The following IFI44 variants were observed in gnomAD, a reference collection of about 807,000 sequenced individuals.
IFI44 encodes the protein interferon-induced protein 44.
Under a neutral mutation model 45.0 loss-of-function variants are expected in IFI44, and 42 were observed. That is an observed-to-expected ratio of 0.93 (90% CI 0.73 to 1.21). The LOEUF (loss-of-function observed/expected upper bound fraction) is 1.21. Among genes scored for constraint, IFI44 ranks in the 50% most tolerant of loss-of-function variants. IFI44 has a pLI of 0.00. For missense variants in IFI44, 623 were observed against 525.8 expected (o/e 1.18, Z -1.81); for synonymous variants, 221 against 188.6 (o/e 1.17, Z -1.41).
intron 2 of IFI44, 31 bp downstream of exon 2, chr1:78,650,683 T>TATAA (rs751093737): frequency 7.2e-7 from 1 of 1,392,946 alleles, no homozygotes. Context: ...CTGTAGAGAG[T>TATAA]TCTCCCTTGC....
intron 7 of IFI44, 59 bp downstream of exon 7, chr1:78,660,713 C>G (rs764692431): frequency 5.6e-6 from 6 of 1,071,834 alleles, no homozygotes; most frequent in Non-Finnish European, 8.7e-6. Flanking sequence ...CAATCACATA[C>G]TAGTGTGTAT....
Position 78,650,424 on chromosome 1 carries a change from A to G in IFI44, c.229A>G (p.Ile77Val), listed in dbSNP as rs1032934571. Residue 77 changes from isoleucine to valine, a missense_variant, in exon 2 of 9, where the codon ATC (isoleucine) becomes GTC (valine). Ile to Val is a conservative substitution (Grantham distance 29). Coordinates refer to ENST00000370747, the MANE Select transcript of IFI44 (RefSeq NM_006417.5). ...TTACCAGGAAGGAAAGTATGCTTCC[A>G]TCATCCTTTTTGCACTTCAAGATAC... ...ESYQEGKYAS[I>V]ILFALQDTKI... 12 of 1,613,554 alleles carry G rather than the reference A, an allele frequency of 7.4e-6. No individual in the cohort carries two copies. The highest frequency in any genetic ancestry group is 1.3e-5 in the African/African-American group (1 of 75,030).
chr1:78,655,377 A>T lies in IFI44; in HGVS notation c.706A>T (p.Ile236Phe). The change falls in exon 5 of 9, where the codon ATT becomes TTT. Residue 236 changes from isoleucine to phenylalanine, a missense_variant. Ile to Phe is a conservative substitution (Grantham distance 21, BLOSUM62 0). Coordinates refer to ENST00000370747, the MANE Select transcript of IFI44 (RefSeq NM_006417.5). ...CCCTCTACAGTATAGGACATACTCTATTAGAGACGGGAAAGATGGCAAATA... is the reference window on the plus strand; with the variant it reads ...CCCTCTACAGTATAGGACATACTCTTTTAGAGACGGGAAAGATGGCAAATA... ...GISEKYRTYS[I>F]RDGKDGKYLP... 1 of 1,612,714 alleles carries T rather than the reference A, an allele frequency of 6.2e-7. No individual in the cohort carries two copies. The highest frequency in any genetic ancestry group is 8.5e-7 in the Non-Finnish European group (1 of 1,179,456).
upstream of IFI44, chr1:78,649,826 T>C (rs2100423536): frequency 6.3e-6 from 1 of 157,498 alleles, no homozygotes; most frequent in South Asian, 2.0e-4. Context: ...ATAATTTCCT[T>C]CTCCCATTTT....
At chr1:78,654,117 C>A in intron 2 of IFI44, 126 bp from the exon 3 acceptor site, 3 of 681,330 alleles carry the variant, frequency 4.4e-6, no homozygotes, top group Non-Finnish European at 8.0e-6. Flanking sequence ...TTTCACCATA[C>A]GGGACCATTC....
chr1:78,655,468 A>G lies in IFI44; in HGVS notation c.797A>G (p.Asp266Gly), dbSNP rs1232542220. Residue 266 changes from aspartate (D) to glycine (G), a missense_variant, in exon 5 of 9, where the codon GAC (aspartate) becomes GGC (glycine). Coordinates refer to ENST00000370747, the MANE Select transcript of IFI44 (RefSeq NM_006417.5). ...AAAGAAGGCGGCCTGTGCAGGGATG[A>G]CATATTCTATATCTTGAACGGTAAC... is the stretch of plus-strand genomic sequence containing the variant. ...SEKEGGLCRDDIFYILNGNIR... is the reference protein window; with the variant it reads ...SEKEGGLCRDGIFYILNGNIR... 2 of 1,613,810 alleles carry G rather than the reference A, an allele frequency of 1.2e-6. No homozygotes were observed. The highest frequency in any genetic ancestry group is 1.7e-6 in the Non-Finnish European group (2 of 1,179,776).
At chr1:78,661,964 A>G (rs1224298835) in intron 7 of IFI44, among the ~76,000 whole-genome samples, 1 of 152,212 alleles carries the variant, frequency 6.6e-6, no homozygotes, top group African/African-American at 2.4e-5. Flanking sequence ...GAACATTTGC[A>G]TGAAGTAATT....
Position 78,655,379 on chromosome 1 carries a change from T to C in IFI44, c.708T>C (p.Ile236=), listed in dbSNP as rs768136010. ...CTCTACAGTATAGGACATACTCTAT[T>C]AGAGACGGGAAAGATGGCAAATACC... ...GISEKYRTYS[I]RDGKDGKYLP... The change falls in exon 5 of 9, where the codon ATT becomes ATC. Residue 236 remains isoleucine, a synonymous_variant. Coordinates refer to ENST00000370747, the MANE Select transcript of IFI44 (RefSeq NM_006417.5). The C allele has an allele frequency of 6.2e-7, 1 of 1,612,798 alleles. No individual in the cohort carries two copies. Among genetic ancestry groups the C allele is most frequent in the South Asian group, 1.1e-5 (1 of 90,728 alleles).
At position 78,662,707 on chromosome 1, in the gene IFI44, G is replaced by A. The variant is rs115351261; in HGVS notation, c.1117G>A (p.Glu373Lys). The change falls in exon 8 of 9, where the codon GAG becomes AAG. Residue 373 changes from glutamate to lysine, a missense_variant. Glu to Lys is a moderately conservative substitution (Grantham distance 56, BLOSUM62 1). Coordinates refer to ENST00000370747, the MANE Select transcript of IFI44 (RefSeq NM_006417.5). ...ERCEPVRSKL[E>K]EVQRKLGFAL... ...CTTTTTAATTTCTGTATTGCAGCTA[G>A]AGGAAGTCCAAAGAAAACTTGGATT... 1 of 1,611,240 alleles carries A rather than the reference G, an allele frequency of 6.2e-7. No homozygotes were observed. The highest frequency in any genetic ancestry group is 1.1e-5 in the South Asian group (1 of 91,022).
In IFI44 at chr1:78,649,951, C is replaced by G. The variant is rs116036609; in HGVS notation, c.-11+46C>G. On this transcript the variant is annotated intron_variant, in intron 1 of 8. Transcript: ENST00000370747. ...CATTTTTCCTAGCTAGCATTAGTCT[C>G]TCTCTGTCTCTCTCAGGTGACAGTG... 1.9e-3 allele frequency: 699 copies of G among 359,612 alleles called. 7 individuals carry two copies. Among genetic ancestry groups the G allele is most frequent in the African/African-American group, 0.013 (642 of 47,798 alleles). 22.3% of individuals were successfully genotyped at this position (359,612 alleles called of 1,614,324 possible). A position where few individuals can be genotyped will look rare whatever the true frequency, so the allele number is the denominator to read the frequency against.
chr1:78,655,397 C>A lies in IFI44; in HGVS notation c.726C>A (p.Gly242=), dbSNP rs140087977. The A allele has an allele frequency of 6.2e-7, 1 of 1,613,516 alleles. No individual in the cohort carries two copies. Among genetic ancestry groups the A allele is most frequent in the South Asian group, 1.1e-5 (1 of 91,022 alleles). Residue 242 remains glycine, a synonymous_variant, in exon 5 of 9, where the codon GGC becomes GGA. Coordinates refer to ENST00000370747, the MANE Select transcript of IFI44 (RefSeq NM_006417.5). ...RTYSIRDGKD[G]KYLPFILCDS... ...ACTCTATTAGAGACGGGAAAGATGG[C>A]AAATACCTGCCGTTTATTCTGTGTG...
At chr1:78,660,810 TAC>T (rs1171658225) in intron 7 of IFI44, 156 bp downstream of exon 7, 2 of 663,518 alleles carry the variant, frequency 3.0e-6, no homozygotes, top group East Asian at 2.9e-5. Context: ...AAAAATTAAA[TAC>T]AGTTGTTCCT....
Position 78,662,791 on chromosome 1 carries a change from G to C in IFI44, c.1201G>C (p.Val401Leu). The C allele has an allele frequency of 6.2e-7, 1 of 1,613,834 alleles. No individual in the cohort carries two copies. The highest frequency in any genetic ancestry group is 8.5e-7 in the Non-Finnish European group (1 of 1,179,874). ...TTCCTCTGAGTGGGAGCTGGACCCT[G>C]TAAAGGATGTTCTAATTCTTTCTGC... is the stretch of plus-strand genomic sequence containing the variant. ...NYSSEWELDP[V>L]KDVLILSALR... Residue 401 changes from valine (V) to leucine (L), a missense_variant, in exon 8 of 9, where the codon GTA becomes CTA. Coordinates refer to ENST00000370747, the MANE Select transcript of IFI44 (RefSeq NM_006417.5).
rs770168478 is a variant in IFI44 at position 78,663,842 on chromosome 1, C to T, written c.*31C>T. 32 of 1,600,976 alleles carry T rather than the reference C, an allele frequency of 2.0e-5. No homozygotes were observed. In the East Asian group the frequency reaches 6.7e-4, roughly 34 times the overall value. ...TGAAAGGTTCACGTAAATTTCCTCA[C>T]ATCACAGAAGATTAAAATTCAGAAA... On this transcript the variant is annotated 3_prime_UTR_variant, in exon 9 of 9. Coordinates refer to ENST00000370747, the MANE Select transcript of IFI44 (RefSeq NM_006417.5).
chr1:78,652,381 G>T (rs1223941586), intron 2 of IFI44, among the ~76,000 whole-genome samples: 1 of 152,102 alleles, frequency 6.6e-6, no homozygotes, highest in Non-Finnish European at 1.5e-5. Context: ...GTGCCCGGCT[G>T]GAATCTAGAT....
intron 7 of IFI44, 45 bp from the exon 8 acceptor site, chr1:78,662,659 T>C (rs771979298): frequency 2.8e-6 from 4 of 1,412,188 alleles, no homozygotes; most frequent in Non-Finnish European, 3.9e-6. Context: ...CATAAAATAA[T>C]ATTTTTCACT....
chr1:78,654,913 T>A, intron 3 of IFI44, 101 bp from the exon 4 acceptor site: 1 of 925,728 alleles, frequency 1.1e-6, no homozygotes, highest in Non-Finnish European at 1.5e-6. Context: ...AAGTTGCTAA[T>A]CAAAAATAAT....
In IFI44 at chr1:78,659,368, G is replaced by A. The variant is rs376103917; in HGVS notation, c.897G>A (p.Ser299=). The A allele has an allele frequency of 3.7e-6, 6 of 1,613,184 alleles. No homozygotes were observed. The South Asian group carries it at 4.4e-5, about 12-fold the overall frequency. Residue 299 remains serine, a synonymous_variant, in exon 6 of 9, where the codon TCG becomes TCA. Coordinates refer to ENST00000370747, the MANE Select transcript of IFI44 (RefSeq NM_006417.5). Reference sequence around the variant, plus strand: ...ATCATGACTACATTGATTCCCCATCGCTGAAGGACAGAATTCATTGTGTGG... The same window carrying A: ...ATCATGACTACATTGATTCCCCATCACTGAAGGACAGAATTCATTGTGTGG... ...LNHHDYIDSP[S]LKDRIHCVAF...
intron 5 of IFI44, among the ~76,000 whole-genome samples, chr1:78,657,991 T>C (rs1011146508): frequency 2.6e-5 from 4 of 152,108 alleles, no homozygotes; most frequent in African/African-American, 9.7e-5. Context: ...GTAGTCCTGG[T>C]GTGGGGCATT....
Sources: allele counts gnomAD v4.1 joint callset (sites outside exome capture counted in the v4.1 genomes callset), GRCh38; gene constraint gnomAD v4.1.1; transcripts MANE v1.5; gene names NCBI Gene and HGNC (gene_info 2026-07-23, HGNC 2026-07-21).